The following PRR16 variants were observed in gnomAD, a reference collection of about 807,000 sequenced individuals.
The protein encoded by PRR16 is protein Largen.
A neutral mutation model predicts 18.2 loss-of-function variants in PRR16; 6 were observed. The observed-to-expected ratio is 0.33, with a 90% CI of 0.18 to 0.65. The LOEUF is 0.65. Ranked by LOEUF, PRR16 falls within the 30% of genes least tolerant of loss-of-function variation. The pLI is 0.74. For missense variants in PRR16, 412 were observed against 376.6 expected (o/e 1.09, Z -0.78); for synonymous variants, 151 against 147.8 (o/e 1.02, Z -0.16).
At chr5:120,779,729 A>G in the PRR16 span, among the ~76,000 whole-genome samples, 1 of 152,160 alleles carries the variant, frequency 6.6e-6, no homozygotes, top group Non-Finnish European at 1.5e-5. Context: ...ACATGCTGAT[A>G]TTCTTAATAA....
chr5:120,751,057 G>T, the PRR16 span, among the ~76,000 whole-genome samples: 1 of 152,022 alleles, frequency 6.6e-6, no homozygotes, highest in Admixed American at 6.6e-5. Context: ...TCTGTGACTT[G>T]CTTCTTTCAC....
chr5:120,719,595 G>T, the PRR16 span, among the ~76,000 whole-genome samples: 1 of 152,034 alleles, frequency 6.6e-6, no homozygotes, highest in Non-Finnish European at 1.5e-5. Context: ...ACGATGATTT[G>T]TGACATATTG....
chr5:120,779,025 C>T, the PRR16 span, among the ~76,000 whole-genome samples: 1 of 152,244 alleles, frequency 6.6e-6, no homozygotes, highest in East Asian at 1.9e-4. Context: ...TGAAGGTACT[C>T]TCATTCCACC....
At chr5:120,522,067 A>G (rs575428674) in intron 1 of PRR16, among the ~76,000 whole-genome samples, 2 of 152,300 alleles carry the variant, frequency 1.3e-5, no homozygotes, top group Admixed American at 1.3e-4. Flanking sequence ...AATCCAGTCT[A>G]TCATTGTCAT....
chr5:120,752,159 C>T, the PRR16 span, among the ~76,000 whole-genome samples: 1 of 152,020 alleles, frequency 6.6e-6, no homozygotes, highest in Admixed American at 6.6e-5. Context: ...GCTAAAAAAA[C>T]TGAATTCCAA....
intron 1 of PRR16, among the ~76,000 whole-genome samples, chr5:120,474,871 T>C (rs985238881): frequency 2.0e-5 from 3 of 152,180 alleles, no homozygotes; most frequent in African/African-American, 7.2e-5. Flanking sequence ...TCTTGCCAGT[T>C]AGTTTGTGAG....
chr5:120,775,814 T>C, the PRR16 span, among the ~76,000 whole-genome samples: 1 of 145,492 alleles, frequency 6.9e-6, no homozygotes, highest in Non-Finnish European at 1.5e-5. Context: ...TTTTTTTTTT[T>C]TTTTTGTATT....
chr5:120,738,392 G>GA, the PRR16 span, among the ~76,000 whole-genome samples: 4 of 151,214 alleles, frequency 2.6e-5, no homozygotes, highest in East Asian at 3.9e-4. Flanking sequence ...TATTCTTAAT[G>GA]AAAAAAAAAT....
At chr5:120,756,032 T>C in the PRR16 span, among the ~76,000 whole-genome samples, 17 of 152,220 alleles carry the variant, frequency 1.1e-4, no homozygotes, top group Admixed American at 3.3e-4. Flanking sequence ...ACTAGTCTGA[T>C]TGGTTGTGGA....
the PRR16 span, among the ~76,000 whole-genome samples, chr5:120,787,792 T>C: frequency 6.6e-6 from 1 of 152,116 alleles, no homozygotes; most frequent in Non-Finnish European, 1.5e-5. Flanking sequence ...TCCGTTGTAC[T>C]TTCCACACTT....
At chr5:120,699,860 A>G in the PRR16 span, among the ~76,000 whole-genome samples, 1 of 152,106 alleles carries the variant, frequency 6.6e-6, no homozygotes, top group Admixed American at 6.5e-5. Flanking sequence ...TGGCAGGGAG[A>G]GCATGTGTGT....
At chr5:120,763,579 T>C in the PRR16 span, among the ~76,000 whole-genome samples, 1 of 152,178 alleles carries the variant, frequency 6.6e-6, no homozygotes, top group Non-Finnish European at 1.5e-5. Flanking sequence ...AATTGTTTTA[T>C]TTCTATGAAA....
chr5:120,485,776 T>A (rs922943371), intron 1 of PRR16, among the ~76,000 whole-genome samples: 3 of 152,136 alleles, frequency 2.0e-5, no homozygotes, highest in Non-Finnish European at 4.4e-5. Context: ...ATTAGATATA[T>A]CTCCCAGTGC....
chr5:120,510,610 A>G (rs1251191125), intron 1 of PRR16, among the ~76,000 whole-genome samples: 1 of 152,168 alleles, frequency 6.6e-6, no homozygotes, highest in African/African-American at 2.4e-5. Flanking sequence ...AGCAGCCTAC[A>G]TATAGCAAAT....
the PRR16 span, among the ~76,000 whole-genome samples, chr5:120,787,707 CAT>C: frequency 2.6e-5 from 4 of 152,118 alleles, no homozygotes; most frequent in South Asian, 2.1e-4. Context: ...CAACTGTACT[CAT>C]AGTTAATTGC....
chr5:120,602,790 A>G (rs953067575), intron 1 of PRR16, among the ~76,000 whole-genome samples: 3 of 152,002 alleles, frequency 2.0e-5, no homozygotes, highest in Admixed American at 6.6e-5. Context: ...GTCAAATTTT[A>G]TCAATGCCAT....
intron 1 of PRR16, among the ~76,000 whole-genome samples, chr5:120,585,486 G>A (rs1753410105): frequency 6.6e-6 from 1 of 151,832 alleles, no homozygotes; most frequent in Admixed American, 6.6e-5. Flanking sequence ...CAGGCAAGGG[G>A]GCAAGTGCCT....
intron 1 of PRR16, among the ~76,000 whole-genome samples, chr5:120,590,178 AAG>A (rs201358235): frequency 0.059 from 9,028 of 152,200 alleles, 370 homozygotes; most frequent in South Asian, 0.084. Context: ...TTACCTTAAC[AAG>A]TCCTGATCCC....
At chr5:120,602,214 A>C (rs1276050289) in intron 1 of PRR16, among the ~76,000 whole-genome samples, 1 of 151,886 alleles carries the variant, frequency 6.6e-6, no homozygotes, top group Non-Finnish European at 1.5e-5. Flanking sequence ...ATGTTTTTCC[A>C]TTTGTTTGTT....
Sources: gnomAD v4.1 joint callset for allele counts (sites outside exome capture counted in the v4.1 genomes callset) on GRCh38, gnomAD v4.1.1 for gene constraint, MANE v1.5 for transcripts, NCBI Gene and HGNC (gene_info 2026-07-23, HGNC 2026-07-21) for gene names.